Variants in L3MBTL4 observed in about 807,000 individuals in gnomAD.
L3MBTL4 encodes the protein L3MBTL histone methyl-lysine binding protein 4.
L3MBTL4 carries 70 observed loss-of-function variants against 84.5 expected under a neutral mutation model. That is an observed-to-expected ratio of 0.83 (90% confidence interval 0.68 to 1.01). The LOEUF (loss-of-function observed/expected upper bound fraction) is 1.01, where lower values mean the gene tolerates loss of function less well. L3MBTL4 is among the 50% of genes least tolerant of loss of function. The probability of loss-of-function intolerance (pLI) is 0.00; values close to 1 mark genes in which losing one functional copy is unlikely to be tolerated. For synonymous variants in L3MBTL4, 274 were observed against 259.8 expected (o/e 1.05, Z -0.52); for missense variants, 715 against 754.8 (o/e 0.95, Z 0.62).
At chr18:6,321,738 T>C (rs2051414918) in intron 1 of L3MBTL4, among the ~76,000 whole-genome samples, 1 of 152,126 alleles carries the variant, frequency 6.6e-6, no homozygotes, top group African/African-American at 2.4e-5. Context: ...TGAGATAATG[T>C]CTTTTGCAGC....
intron 13 of L3MBTL4, among the ~76,000 whole-genome samples, chr18:6,161,208 C>G (rs1042365373): frequency 6.6e-6 from 1 of 152,148 alleles, no homozygotes; most frequent in Non-Finnish European, 1.5e-5. Context: ...GCAGACAAAT[C>G]GCGTCCTCAT....
intron 1 of L3MBTL4, among the ~76,000 whole-genome samples, chr18:6,339,308 A>T (rs745674341): frequency 5.3e-5 from 8 of 152,230 alleles, no homozygotes; most frequent in Non-Finnish European, 8.8e-5. Flanking sequence ...ATATTATCTA[A>T]ACACAATGTA....
At chr18:6,338,204 A>G (rs1292319155) in intron 1 of L3MBTL4, among the ~76,000 whole-genome samples, 3 of 152,102 alleles carry the variant, frequency 2.0e-5, no homozygotes, top group Admixed American at 2.0e-4. Context: ...GGAAGAGAGA[A>G]GAAAAGCGGA....
At chr18:6,108,502 A>T (rs1048482777) in intron 14 of L3MBTL4, among the ~76,000 whole-genome samples, 1 of 152,172 alleles carries the variant, frequency 6.6e-6, no homozygotes, top group African/African-American at 2.4e-5. Context: ...AACTAGGTCC[A>T]ATTTGCAATA....
intron 14 of L3MBTL4, among the ~76,000 whole-genome samples, chr18:6,105,225 C>T (rs1430436881): frequency 2.4e-5 from 3 of 125,150 alleles, no homozygotes; most frequent in African/African-American, 3.1e-5. Flanking sequence ...GAATCTCGCT[C>T]TGTCTCCCAG....
intron 13 of L3MBTL4, among the ~76,000 whole-genome samples, chr18:6,165,483 T>A (rs1196026228): frequency 6.6e-6 from 1 of 152,196 alleles, no homozygotes; most frequent in African/African-American, 2.4e-5. Flanking sequence ...AACTGATCTC[T>A]CGGCAGAAAT....
At chr18:6,238,152 T>C in intron 9 of L3MBTL4, 112 bp from the exon 10 acceptor site, 1 of 926,066 alleles carries the variant, frequency 1.1e-6, no homozygotes, top group Non-Finnish European at 1.8e-6. Flanking sequence ...CAGTACTTCA[T>C]AGCTGGAGAG....
intron 5 of L3MBTL4, among the ~76,000 whole-genome samples, chr18:6,246,984 T>C (rs1599324191): frequency 1.3e-5 from 2 of 152,150 alleles, no homozygotes; most frequent in African/African-American, 4.8e-5. Flanking sequence ...TAGATAGACT[T>C]TGCCTAGATT....
chr18:6,251,645 C>T (rs1476939288), intron 5 of L3MBTL4, among the ~76,000 whole-genome samples: 1 of 152,154 alleles, frequency 6.6e-6, no homozygotes, highest in Admixed American at 6.5e-5. Flanking sequence ...TAAGCATCAC[C>T]ATCCCCCTTG....
chr18:6,148,106 A>C (rs1027540491), intron 13 of L3MBTL4, among the ~76,000 whole-genome samples: 3 of 152,222 alleles, frequency 2.0e-5, no homozygotes, highest in African/African-American at 7.2e-5. Flanking sequence ...GATTAGGAAC[A>C]AGAAAGTGAA....
At chr18:6,167,947 C>G (rs1296885595) in intron 13 of L3MBTL4, among the ~76,000 whole-genome samples, 1 of 152,190 alleles carries the variant, frequency 6.6e-6, no homozygotes, top group African/African-American at 2.4e-5. Context: ...AGCCCAAAAT[C>G]TCCTTAAGCT....
chr18:6,147,038 T>G (rs1284754434), intron 13 of L3MBTL4, among the ~76,000 whole-genome samples: 1 of 152,026 alleles, frequency 6.6e-6, no homozygotes, highest in Non-Finnish European at 1.5e-5. Context: ...AATGCAGCAG[T>G]GGAGCAAGGT....
chr18:6,029,489 G>GA, intron 16 of L3MBTL4: 1 of 978,748 alleles, frequency 1.0e-6, no homozygotes, highest in Non-Finnish European at 1.2e-6. Context: ...GTAATACACA[G>GA]AAATATACAA....
intron 12 of L3MBTL4, among the ~76,000 whole-genome samples, chr18:6,192,452 G>C (rs1405464435): frequency 6.6e-6 from 1 of 152,060 alleles, no homozygotes; most frequent in Non-Finnish European, 1.5e-5. Context: ...AGGGAGATGT[G>C]TGGCAACAGG....
chr18:6,410,017 G>A (rs932092293), intron 1 of L3MBTL4, among the ~76,000 whole-genome samples: 15 of 152,016 alleles, frequency 9.9e-5, no homozygotes, highest in African/African-American at 2.7e-4. Context: ...TCCATGCCCC[G>A]CTCCCCGGCC....
At chr18:6,153,340 T>C (rs2042970627) in intron 13 of L3MBTL4, among the ~76,000 whole-genome samples, 1 of 152,198 alleles carries the variant, frequency 6.6e-6, no homozygotes, top group South Asian at 2.1e-4. Flanking sequence ...AGTCTTCCAG[T>C]CCACGAATAT....
At position 6,063,081 on chromosome 18, in the gene L3MBTL4, T is replaced by C. The variant is rs145245976; in HGVS notation, c.1444+17800A>G. Among the ~76,000 whole-genome samples, 472 of 152,052 alleles carry C rather than the reference T, an allele frequency of 3.1e-3. 2 individuals are homozygous for C. Among genetic ancestry groups the C allele is most frequent in the African/African-American group, 0.011 (453 of 41,546 alleles). ...GCTCCCTCTTTTAAGTGAGAACATATGATATTTGGTTTTCCATTACTCAGT... is the reference window on the plus strand; with the variant it reads ...GCTCCCTCTTTTAAGTGAGAACATACGATATTTGGTTTTCCATTACTCAGT... On this transcript the variant is annotated intron_variant, in intron 16 of 18. Coordinates refer to ENST00000317931, the MANE Select transcript of L3MBTL4 (RefSeq NM_001330559.2).
At chr18:6,314,479 C>T (rs1486683464) in intron 1 of L3MBTL4, among the ~76,000 whole-genome samples, 1 of 152,142 alleles carries the variant, frequency 6.6e-6, no homozygotes, top group Non-Finnish European at 1.5e-5. Context: ...GCACCACCTA[C>T]CATAGACAAC....
intron 13 of L3MBTL4, among the ~76,000 whole-genome samples, chr18:6,143,935 C>T (rs931298491): frequency 1.1e-4 from 17 of 152,116 alleles, no homozygotes; most frequent in African/African-American, 4.1e-4. Context: ...CGGTGGCTCA[C>T]GCCTGTAATC....
Sources: gnomAD v4.1 joint callset for allele counts (sites outside exome capture counted in the v4.1 genomes callset) on GRCh38, gnomAD v4.1.1 for gene constraint, MANE v1.5 for transcripts, NCBI Gene and HGNC (gene_info 2026-07-23, HGNC 2026-07-21) for gene names.